DAGLB: variants seen among roughly 807,000 people sequenced by gnomAD.
The protein encoded by DAGLB is diacylglycerol lipase beta.
Under a neutral mutation model 72.1 loss-of-function variants are expected in DAGLB, and 66 were observed. The ratio of observed to expected loss-of-function variants is 0.92; its 90% CI spans 0.75 to 1.12. The LOEUF is 1.12. DAGLB is among the 50% of genes most tolerant of loss of function. The pLI, the probability that DAGLB is intolerant of heterozygous loss-of-function variation, is 0.00. For missense variants in DAGLB, 1,065 were observed against 884.9 expected (o/e 1.20, Z -2.58); for synonymous variants, 414 against 359.5 (o/e 1.15, Z -1.71).
chr7:6,413,964 T>A (rs1265898908), intron 11 of DAGLB, among the ~76,000 whole-genome samples: 1 of 152,206 alleles, frequency 6.6e-6, no homozygotes, highest in Admixed American at 6.5e-5. Context: ...ATGGACATAA[T>A]GGAAACACCA....
intron 2 of DAGLB, among the ~76,000 whole-genome samples, chr7:6,437,347 G>A (rs185588140): frequency 2.2e-4 from 34 of 152,154 alleles, no homozygotes; most frequent in African/African-American, 7.0e-4. Context: ...CTTTATGTGC[G>A]TAGTTCTGTA....
At chr7:6,429,161 C>T (rs570655504) in intron 6 of DAGLB, among the ~76,000 whole-genome samples, 1 of 152,138 alleles carries the variant, frequency 6.6e-6, no homozygotes. Flanking sequence ...GCCAAGCAAT[C>T]AATGTTAATA....
intron 6 of DAGLB, 48 bp from the exon 7 acceptor site, chr7:6,426,162 A>G (rs1394199390): frequency 6.8e-6 from 11 of 1,607,700 alleles, no homozygotes; most frequent in Non-Finnish European, 9.3e-6. Flanking sequence ...GCCACTTGGC[A>G]AGGAACGTCC....
intron 2 of DAGLB, among the ~76,000 whole-genome samples, chr7:6,443,019 A>C (rs1477519922): frequency 9.2e-5 from 4 of 43,396 alleles, no homozygotes; most frequent in Non-Finnish European, 2.6e-4. Flanking sequence ...TAAAAATACA[A>C]AAAAAAAAAA....
chr7:6,425,977 A>G lies in DAGLB; in HGVS notation c.1056+11T>C. ...AAAGAAGTGAAGAGCCGCTGTCTGC[A>G]GCGTCCACACCTTGTCATGGAAGCT... On this transcript the variant is annotated intron_variant, in intron 7 of 14. Coordinates refer to ENST00000297056, the MANE Select transcript of DAGLB (RefSeq NM_139179.4). The G allele has an allele frequency of 6.2e-7, 1 of 1,613,758 alleles. No homozygotes were observed. Among genetic ancestry groups the G allele is most frequent in the South Asian group, 1.1e-5 (1 of 91,070 alleles).
chr7:6,424,977 C>T (rs1415265812), intron 7 of DAGLB, 142 bp from the exon 8 acceptor site: 3 of 753,228 alleles, frequency 4.0e-6, no homozygotes, highest in Non-Finnish European at 6.9e-6. Context: ...CACTCACGCT[C>T]ACTACACAGT....
intron 2 of DAGLB, among the ~76,000 whole-genome samples, chr7:6,444,096 G>A (rs949129506): frequency 2.0e-5 from 3 of 152,000 alleles, no homozygotes; most frequent in Admixed American, 1.3e-4. Context: ...GCAAGACCCT[G>A]TCTCTACAAA....
chr7:6,437,844 G>C (rs1006037128), intron 2 of DAGLB, among the ~76,000 whole-genome samples: 2 of 152,044 alleles, frequency 1.3e-5, no homozygotes, highest in Admixed American at 6.6e-5. Context: ...GTTTCACCAT[G>C]TTGGCCAGGC....
intron 13 of DAGLB, among the ~76,000 whole-genome samples, chr7:6,411,490 C>T (rs928987926): frequency 6.6e-6 from 1 of 152,100 alleles, no homozygotes; most frequent in Non-Finnish European, 1.5e-5. Flanking sequence ...GGTGTGTTGG[C>T]GCATGCCTGT....
At chr7:6,410,088 G>C (rs368654531) in intron 14 of DAGLB, 42 bp downstream of exon 14, 2 of 1,584,556 alleles carry the variant, frequency 1.3e-6, no homozygotes, top group South Asian at 2.3e-5. Context: ...CTGACCCCGC[G>C]CTGCTCCTGC....
intron 9 of DAGLB, chr7:6,417,869 T>C (rs916141499): frequency 6.6e-6 from 1 of 151,942 alleles, no homozygotes; most frequent in Non-Finnish European, 1.5e-5. Flanking sequence ...ATTTATTTAT[T>C]TATGAATGAA....
At chr7:6,436,291 T>A (rs1784654486) in intron 3 of DAGLB, 71 bp downstream of exon 3, 2 of 1,526,840 alleles carry the variant, frequency 1.3e-6, no homozygotes, top group African/African-American at 1.4e-5. Context: ...GGACTCTCTG[T>A]CATGTTAGAA....
At chr7:6,426,278 C>T (rs836525) in intron 6 of DAGLB, among the ~76,000 whole-genome samples, 164 bp from the exon 7 acceptor site, 42,614 of 152,092 alleles carry the variant, frequency 0.28, 8,411 homozygotes, top group African/African-American at 0.56. Context: ...ATTTGATCGA[C>T]TGACTGATTG....
intron 13 of DAGLB, 60 bp from the exon 14 acceptor site, chr7:6,410,440 C>T: frequency 1.9e-6 from 3 of 1,540,358 alleles, no homozygotes; most frequent in Admixed American, 1.9e-5. Flanking sequence ...CCGAGACCTC[C>T]CGAAACACCA....
At chr7:6,415,110 A>T (rs1186891820) in intron 11 of DAGLB, among the ~76,000 whole-genome samples, 1 of 151,582 alleles carries the variant, frequency 6.6e-6, no homozygotes, top group South Asian at 2.1e-4. Context: ...ACAGCAAGCC[A>T]TGACTGTGCT....
At chr7:6,437,421 A>C (rs1357963218) in intron 2 of DAGLB, among the ~76,000 whole-genome samples, 1 of 152,118 alleles carries the variant, frequency 6.6e-6, no homozygotes, top group African/African-American at 2.4e-5. Flanking sequence ...ACTGAAGCTC[A>C]GAGAGCGTAA....
At chr7:6,433,784 G>A (rs1246147061) in intron 4 of DAGLB, among the ~76,000 whole-genome samples, 1 of 151,462 alleles carries the variant, frequency 6.6e-6, no homozygotes. Flanking sequence ...TCGAACACAG[G>A]AGGTGGAGGT....
intron 11 of DAGLB, among the ~76,000 whole-genome samples, chr7:6,415,188 A>G (rs577326438): frequency 1.3e-3 from 200 of 152,060 alleles, no homozygotes; most frequent in African/African-American, 4.7e-3. Context: ...AGACAGCAAG[A>G]AAACAGACGA....
At chr7:6,423,986 A>C (rs1340327594) in intron 8 of DAGLB, among the ~76,000 whole-genome samples, 1 of 152,114 alleles carries the variant, frequency 6.6e-6, no homozygotes, top group Non-Finnish European at 1.5e-5. Context: ...CGGGAGACCC[A>C]CAGATGGCTC....
Sources: allele counts gnomAD v4.1 joint callset (sites outside exome capture counted in the v4.1 genomes callset), GRCh38; gene constraint gnomAD v4.1.1; transcripts MANE v1.5; gene names NCBI Gene and HGNC (gene_info 2026-07-23, HGNC 2026-07-21).